The following ROGDI variants were observed in gnomAD, a reference collection of about 807,000 sequenced individuals.
The protein encoded by ROGDI is protein rogdi homolog.
A neutral mutation model predicts 43.1 loss-of-function variants in ROGDI; 46 were observed. The observed-to-expected ratio is 1.07, with a 90% CI of 0.84 to 1.37. The LOEUF (loss-of-function observed/expected upper bound fraction) is 1.37. Ranked by LOEUF, ROGDI falls within the 40% of genes most tolerant of loss-of-function variation. The pLI is 0.00. For missense variants in ROGDI, 518 were observed against 383.9 expected, an observed-to-expected ratio of 1.35 and a Z score of -2.92; for synonymous variants, 243 against 162.0, an observed-to-expected ratio of 1.50 and a Z score of -3.80.
chr16:4,801,255 C>CG lies in ROGDI; in HGVS notation c.255+11dup, dbSNP rs1235158317. ...TTGGCAGGATGGGAGGGGACAGGGC[C>CG]GGGGGACTCACCGCCTGGCTGAGGG... is the stretch of plus-strand genomic sequence containing the variant. On this transcript the variant is annotated intron_variant, in intron 4 of 10. Coordinates refer to ENST00000322048, the MANE Select transcript of ROGDI (RefSeq NM_024589.3). 1 of 1,598,504 alleles carries CG rather than the reference C, an allele frequency of 6.3e-7. No homozygotes were observed. The highest frequency in any genetic ancestry group is 1.7e-5 in the Admixed American group (1 of 59,022).
At position 4,799,720 on chromosome 16, in the gene ROGDI, C is replaced by T. The variant is rs954463701; in HGVS notation, c.398G>A (p.Ser133Asn). ...AIYLLTSRDQ[S>N]YQFKTGAEVL... is the part of the protein sequence containing the mutation. ...CTCAGCGCCCGTCTTGAACTGGTAGCTCTGGTCCCGGCTGGTAAGCAGGTA... is the reference window on the plus strand; with the variant it reads ...CTCAGCGCCCGTCTTGAACTGGTAGTTCTGGTCCCGGCTGGTAAGCAGGTA... Residue 133 changes from serine (S) to asparagine (N), a missense_variant, in exon 6 of 11, where the codon AGC (serine) becomes AAC (asparagine). Physicochemically the swap from Ser to Asn is conservative, Grantham distance 46. Coordinates refer to ENST00000322048, the MANE Select transcript of ROGDI (RefSeq NM_024589.3). The T allele has an allele frequency of 2.5e-6, 4 of 1,613,608 alleles. No homozygotes were observed. Among genetic ancestry groups the T allele is most frequent in the Non-Finnish European group, 1.7e-6 (2 of 1,179,794 alleles).
At chr16:4,797,637 A>C (rs1400303929) in intron 10 of ROGDI, 77 bp downstream of exon 10, 36 of 1,606,784 alleles carry the variant, frequency 2.2e-5, no homozygotes, top group Admixed American at 3.4e-5. Context: ...CCAGACCCCA[A>C]GGTTGGGGCG....
intron 6 of ROGDI, 77 bp downstream of exon 6, chr16:4,799,609 T>G: frequency 9.0e-7 from 1 of 1,116,356 alleles, no homozygotes; most frequent in African/African-American, 1.5e-5. Flanking sequence ...GTGGAGGCCC[T>G]GGGATTGGAA....
At chr16:4,801,732 C>T in intron 2 of ROGDI, 147 bp from the exon 3 acceptor site, 1 of 712,036 alleles carries the variant, frequency 1.4e-6, no homozygotes, top group South Asian at 1.7e-5. Flanking sequence ...GGTGGGAAGA[C>T]CCTGCCCAAG....
intron 6 of ROGDI, 115 bp from the exon 7 acceptor site, chr16:4,798,782 C>CG (rs1346161082): frequency 8.3e-6 from 7 of 844,918 alleles, no homozygotes; most frequent in Non-Finnish European, 1.3e-5. Context: ...TCCCAGGTCC[C>CG]GAAACCCGGC....
rs778348296 is a variant in ROGDI at position 4,799,680 on chromosome 16, G to A, written c.432+6C>T. 2 of 1,609,512 alleles carry A rather than the reference G, an allele frequency of 1.2e-6. No homozygotes were observed. Among genetic ancestry groups the A allele is most frequent in the Non-Finnish European group, 1.7e-6 (2 of 1,176,760 alleles). On this transcript the variant is annotated splice_donor_region_variant and intron_variant, in intron 6 of 10. Transcript: ENST00000322048. ...GGCCCAGGAGTCAGGCCCGGGGGCA[G>A]CTCACCTTGAGGACCTCAGCGCCCG...
chr16:4,798,763 GGC>G, intron 6 of ROGDI, 96 bp from the exon 7 acceptor site: 1 of 1,049,354 alleles, frequency 9.5e-7, no homozygotes, highest in Non-Finnish European at 1.4e-6. Flanking sequence ...CCAGCCCAGT[GGC>G]TACTGTTCCC....
Position 4,799,700 on chromosome 16 carries a change from C to A in ROGDI, c.418G>T (p.Ala140Ser). 6.2e-7 allele frequency: 1 copy of A among 1,613,082 alleles called. No homozygotes were observed. The highest frequency in any genetic ancestry group is 8.5e-7 in the Non-Finnish European group (1 of 1,179,398). The change falls in exon 6 of 11, where the codon GCT becomes TCT. Residue 140 changes from alanine (A) to serine (S), a missense_variant. Ala to Ser is a moderately conservative substitution (Grantham distance 99). Coordinates refer to ENST00000322048, the MANE Select transcript of ROGDI (RefSeq NM_024589.3). ...GGGCAGCTCACCTTGAGGACCTCAG[C>A]GCCCGTCTTGAACTGGTAGCTCTGG... ...RDQSYQFKTG[A>S]EVLKLMDAVM...
chr16:4,798,583 C>T lies in ROGDI; in HGVS notation c.517G>A (p.Ala173Thr), dbSNP rs544047205. The change falls in exon 7 of 11, where the codon GCC becomes ACC. Residue 173 changes from alanine (A) to threonine (T), a missense_variant. Physicochemically the swap from Ala to Thr is moderately conservative, Grantham distance 58 (BLOSUM62 0). Coordinates refer to ENST00000322048, the MANE Select transcript of ROGDI (RefSeq NM_024589.3). ...GGGGCACTGACCGTGAGGCCGCTGG[C>T]GGCGATCTCGGGGAGGGTGAGGGTG... ...PATLTLPEIA[A>T]SGLTRMFAPA... 54 of 1,562,258 alleles carry T rather than the reference C, an allele frequency of 3.5e-5. No individual in the cohort carries two copies. The highest frequency in any genetic ancestry group is 2.8e-4 in the African/African-American group (21 of 74,598).
intron 2 of ROGDI, 102 bp from the exon 3 acceptor site, chr16:4,801,687 A>G: frequency 8.7e-7 from 1 of 1,144,040 alleles, no homozygotes; most frequent in South Asian, 1.3e-5. Flanking sequence ...GGGGGGAAGG[A>G]ACAACGTGGC....
chr16:4,801,416 C>T (rs774291294), intron 3 of ROGDI, 87 bp downstream of exon 3: 272 of 1,558,004 alleles, frequency 1.7e-4, no homozygotes, highest in Non-Finnish European at 2.2e-4. Context: ...CATCGCACAA[C>T]CAGCTGGTCT....
At chr16:4,798,249 C>T in intron 7 of ROGDI, 65 bp from the exon 8 acceptor site, 1 of 1,326,514 alleles carries the variant, frequency 7.5e-7, no homozygotes, top group Non-Finnish European at 1.1e-6. Context: ...GAGCGGGGCT[C>T]TGCAGTCACT....
intron 2 of ROGDI, 128 bp downstream of exon 2, chr16:4,802,253 GC>G (rs1337616389): frequency 1.2e-6 from 1 of 843,038 alleles, no homozygotes; most frequent in Admixed American, 2.1e-5. Flanking sequence ...CGGAGGCGGG[GC>G]CCTGCCTGAA....
At chr16:4,798,405 T>C in intron 7 of ROGDI, 164 bp downstream of exon 7, 1 of 703,570 alleles carries the variant, frequency 1.4e-6, no homozygotes, top group Non-Finnish European at 2.3e-6. Flanking sequence ...TAACGTATTT[T>C]AGGGGCACAG....
At chr16:4,800,967 G>C (rs1402225065) in intron 4 of ROGDI, 1 of 506,176 alleles carries the variant, frequency 2.0e-6, no homozygotes, top group African/African-American at 1.9e-5. Flanking sequence ...CTGGAGTTCA[G>C]GCATTGGCTG....
At chr16:4,802,347 C>T (rs1288891162) in intron 2 of ROGDI, 35 bp downstream of exon 2, 8 of 1,529,604 alleles carry the variant, frequency 5.2e-6, no homozygotes, top group African/African-American at 2.8e-5. Flanking sequence ...GAGGGAGGGC[C>T]GCCACGCCCG....
rs888611327 is a variant in ROGDI, at chr16:4,800,507, C to A, written c.327G>T (p.Lys109Asn). ...GGAGGGGCGGGGTCACCTGCTGCAG[C>A]TTCCACTGCTTGTCCTCCCGGAAGG... is the stretch of plus-strand genomic sequence containing the variant. ...HFAFREDKQW[K>N]LQQIQDARNH... is the part of the protein sequence containing the mutation. Residue 109 changes from lysine to asparagine, a missense_variant, in exon 5 of 11, where the codon AAG becomes AAT. Lys to Asn is a moderately conservative substitution (Grantham distance 94). Transcript: ENST00000322048. The A allele has an allele frequency of 9.0e-6, 14 of 1,556,094 alleles. No homozygotes were observed. In the African/African-American group the frequency reaches 1.8e-4, roughly 20 times the overall value.
rs773589345 is a variant in ROGDI, at chr16:4,798,157, C to G, written c.559G>C (p.Asp187His). The G allele has an allele frequency of 6.2e-7, 1 of 1,613,918 alleles. No homozygotes were observed. ...TTGATGTAGACGTTGACCAGCAGGT[C>G]GGACGGCAGGGCAGGGGCGAACATC... ...TRMFAPALPSDLLVNVYINLN... is the reference protein window; with the variant it reads ...TRMFAPALPSHLLVNVYINLN... Residue 187 changes from aspartate to histidine, a missense_variant, in exon 8 of 11, where the codon GAC (aspartate) becomes CAC (histidine). Physicochemically the swap from Asp to His is moderately conservative, Grantham distance 81. Transcript: ENST00000322048.
intron 4 of ROGDI, 68 bp downstream of exon 4, chr16:4,801,195 CAGAG>C (rs754200798): frequency 5.2e-6 from 7 of 1,335,048 alleles, no homozygotes; most frequent in African/African-American, 2.9e-5. Flanking sequence ...AGGGCTTGTA[CAGAG>C]AGAAAGTGGG....
Sources: allele counts gnomAD v4.1 joint callset, GRCh38; gene constraint gnomAD v4.1.1; transcripts MANE v1.5; gene names NCBI Gene and HGNC (gene_info 2026-07-23, HGNC 2026-07-21).